The following ZFPM2 variants were observed in gnomAD, a reference collection of about 807,000 sequenced individuals.
ZFPM2 encodes the protein zinc finger protein ZFPM2.
A neutral mutation model predicts 98.6 loss-of-function variants in ZFPM2; 20 were observed. The observed-to-expected ratio is 0.20, with a 90% CI of 0.14 to 0.29. The LOEUF (loss-of-function observed/expected upper bound fraction) is 0.29. Among genes scored for constraint, ZFPM2 ranks in the 10% least tolerant of loss-of-function variants. The pLI, the probability that ZFPM2 is intolerant of heterozygous loss-of-function variation, is 1.00. For missense variants in ZFPM2, 1,310 were observed against 1,388.6 expected (o/e 0.94, Z 0.90); for synonymous variants, 518 against 502.7 (o/e 1.03, Z -0.41).
chr8:105,448,060 A>G (rs1424898492), intron 3 of ZFPM2, among the ~76,000 whole-genome samples: 1 of 152,080 alleles, frequency 6.6e-6, no homozygotes, highest in Non-Finnish European at 1.5e-5. Flanking sequence ...CTGTTTAAGT[A>G]TACTTCAAAT....
chr8:105,800,191 T>C (rs1204189152), intron 7 of ZFPM2, among the ~76,000 whole-genome samples: 4 of 152,156 alleles, frequency 2.6e-5, no homozygotes, highest in Non-Finnish European at 5.9e-5. Context: ...ACCTCTGCCA[T>C]GTTTTCAGCT....
intron 5 of ZFPM2, among the ~76,000 whole-genome samples, chr8:105,773,909 T>C (rs960534563): frequency 6.6e-6 from 1 of 152,110 alleles, no homozygotes; most frequent in African/African-American, 2.4e-5. Flanking sequence ...TCTTTATTAA[T>C]TAAAAATAAT....
intron 1 of ZFPM2, among the ~76,000 whole-genome samples, chr8:105,375,816 C>T (rs992870399): frequency 6.6e-6 from 1 of 152,150 alleles, no homozygotes; most frequent in Non-Finnish European, 1.5e-5. Context: ...GTGGAGTCTA[C>T]TTCTTGTCCA....
chr8:105,690,464 C>T lies in ZFPM2; in HGVS notation c.532+56107C>T, dbSNP rs552511929. 1.2e-3 allele frequency among the ~76,000 whole-genome samples: 176 copies of T among 152,184 alleles called. 1 individual carries two copies. The highest frequency in any genetic ancestry group is 2.0e-3 in the Non-Finnish European group (133 of 68,008). ...TGGGCCAGTGTATCGAGAAGGACACCGGACAGGAACCACAAGCTTCCGCAC... is the reference window on the plus strand; with the variant it reads ...TGGGCCAGTGTATCGAGAAGGACACTGGACAGGAACCACAAGCTTCCGCAC... On this transcript the variant is annotated intron_variant, in intron 5 of 7. Transcript: ENST00000407775.
intron 2 of ZFPM2, among the ~76,000 whole-genome samples, chr8:105,424,845 GGAGA>G (rs1036351546): frequency 2.6e-5 from 4 of 152,122 alleles, no homozygotes; most frequent in Admixed American, 6.5e-5. Flanking sequence ...ACTCTCAGGA[GGAGA>G]GAGAGAGAGG....
intron 3 of ZFPM2, among the ~76,000 whole-genome samples, chr8:105,465,953 T>C (rs1357474143): frequency 3.9e-5 from 6 of 152,038 alleles, no homozygotes. Context: ...ACAAAATTTT[T>C]CTTAATTCAA....
At chr8:105,754,252 T>C (rs1434845910) in intron 5 of ZFPM2, among the ~76,000 whole-genome samples, 1 of 152,146 alleles carries the variant, frequency 6.6e-6, no homozygotes, top group Non-Finnish European at 1.5e-5. Flanking sequence ...TTCATTTCTA[T>C]TGATGAGAGG....
chr8:105,516,988 C>G (rs1446372447), intron 3 of ZFPM2, among the ~76,000 whole-genome samples: 2 of 152,162 alleles, frequency 1.3e-5, no homozygotes, highest in South Asian at 4.1e-4. Flanking sequence ...TGTCCAGGGT[C>G]TTAAAAATGA....
chr8:105,798,860 T>G lies in ZFPM2; in HGVS notation c.876T>G (p.His292Gln), dbSNP rs1166558160. 6.2e-7 allele frequency: 1 copy of G among 1,613,936 alleles called. No individual in the cohort carries two copies. ...PVSEENEDSA[H>Q]QISSLCPFPQ... ...CAGAGGAAAATGAAGACAGTGCCCA[T>G]CAGATTTCCAGCCTGTGCCCCTTCC... The change falls in exon 7 of 8, where the codon CAT becomes CAG. Residue 292 changes from histidine to glutamine, a missense_variant. Coordinates refer to ENST00000407775, the MANE Select transcript of ZFPM2 (RefSeq NM_012082.4).
intron 3 of ZFPM2, among the ~76,000 whole-genome samples, chr8:105,502,363 A>G (rs1322224823): frequency 6.6e-6 from 1 of 152,202 alleles, no homozygotes; most frequent in East Asian, 1.9e-4. Flanking sequence ...AATTGAAGAT[A>G]AGCATGCTAC....
chr8:105,581,360 T>TA (rs1429117976), intron 4 of ZFPM2, among the ~76,000 whole-genome samples: 1 of 152,194 alleles, frequency 6.6e-6, no homozygotes, highest in African/African-American at 2.4e-5. Context: ...TTGCAATAGA[T>TA]ACTTTGGAAC....
chr8:105,772,768 G>A (rs1170094886), intron 5 of ZFPM2, among the ~76,000 whole-genome samples: 1 of 152,090 alleles, frequency 6.6e-6, no homozygotes, highest in Non-Finnish European at 1.5e-5. Context: ...ATAAAGCAAG[G>A]TGGTAAAAAG....
chr8:105,707,920 G>C (rs760020867), intron 5 of ZFPM2, among the ~76,000 whole-genome samples: 1 of 152,148 alleles, frequency 6.6e-6, no homozygotes, highest in African/African-American at 2.4e-5. Flanking sequence ...CTTTTTGAAA[G>C]AATAATCCCT....
At position 105,634,275 on chromosome 8, in the gene ZFPM2, G is replaced by T; in HGVS notation, c.450G>T (p.Leu150=). The T allele has an allele frequency of 6.2e-7, 1 of 1,612,940 alleles. No homozygotes were observed. The highest frequency in any genetic ancestry group is 1.1e-5 in the South Asian group (1 of 90,774). ...LKTKAQVPMV[L]TAGPKWLLDV... is the part of the protein sequence containing the mutation. ...CAAAGGCTCAGGTCCCAATGGTGCT[G>T]ACTGCTGGTCCCAAGTGGTTGCTGG... Residue 150 remains leucine (L), a synonymous_variant, in exon 5 of 8, where the codon CTG becomes CTT. Transcript: ENST00000407775.
At position 105,698,669 on chromosome 8, in the gene ZFPM2, A is replaced by C. The variant is rs576331389; in HGVS notation, c.532+64312A>C. ...GAACAAAGTTCATGGATTATACAGA[A>C]ATTAAAACAAAAAGACTTTTGAAGA... is the stretch of plus-strand genomic sequence containing the variant. On this transcript the variant is annotated intron_variant, in intron 5 of 7. Transcript: ENST00000407775. 9.8e-5 allele frequency among the ~76,000 whole-genome samples: 15 copies of C among 152,292 alleles called. No homozygotes were observed. In the East Asian group the frequency reaches 1.5e-3, roughly 16 times the overall value.
rs142829080 is a variant in ZFPM2, at chr8:105,401,677, T to G, written c.41-17467T>G. ...TACTCTGAAGTTAGAAAACTGGTAA[T>G]AGGGGAAGCTAGTATTTGAACCCCA... On this transcript the variant is annotated intron_variant, in intron 1 of 7. Coordinates refer to ENST00000407775, the MANE Select transcript of ZFPM2 (RefSeq NM_012082.4). Among the ~76,000 whole-genome samples, 3 of 152,232 alleles carry G rather than the reference T, an allele frequency of 2.0e-5. No homozygotes were observed. In the East Asian group the frequency reaches 5.8e-4, roughly 29 times the overall value.
intron 5 of ZFPM2, among the ~76,000 whole-genome samples, chr8:105,763,552 A>G (rs1812784737): frequency 6.6e-6 from 1 of 151,878 alleles, no homozygotes; most frequent in Non-Finnish European, 1.5e-5. Flanking sequence ...TGAAGTGACT[A>G]TTCTGTGTTC....
At chr8:105,423,004 C>A (rs1477074769) in intron 2 of ZFPM2, among the ~76,000 whole-genome samples, 5 of 152,040 alleles carry the variant, frequency 3.3e-5, no homozygotes, top group Non-Finnish European at 5.9e-5. Context: ...ATTATTGTAA[C>A]ATTTTTCTCA....
At chr8:105,647,208 A>C (rs1417841692) in intron 5 of ZFPM2, among the ~76,000 whole-genome samples, 1 of 152,024 alleles carries the variant, frequency 6.6e-6, no homozygotes, top group Non-Finnish European at 1.5e-5. Context: ...CTAGATTCCA[A>C]TATTTTGTTG....
Sources: gnomAD v4.1 joint callset for allele counts (sites outside exome capture counted in the v4.1 genomes callset) on GRCh38, gnomAD v4.1.1 for gene constraint, MANE v1.5 for transcripts, NCBI Gene and HGNC (gene_info 2026-07-23, HGNC 2026-07-21) for gene names.